The following RNFT2 variants were observed in gnomAD, a reference collection of about 807,000 sequenced individuals.
The protein encoded by RNFT2 is E3 ubiquitin-protein ligase RNFT2.
RNFT2 carries 36 observed loss-of-function variants against 53.0 expected under a neutral mutation model. The observed-to-expected ratio is 0.68, with a 90% confidence interval of 0.52 to 0.90. The LOEUF (loss-of-function observed/expected upper bound fraction) is 0.90. Among genes scored for constraint, RNFT2 ranks in the 40% least tolerant of loss-of-function variants. The pLI, the probability that RNFT2 is intolerant of heterozygous loss-of-function variation, is 0.00. For synonymous variants in RNFT2, 260 were observed against 253.2 expected (o/e 1.03, Z -0.26); for missense variants, 514 against 585.6 (o/e 0.88, Z 1.26).
At chr12:116,841,325 C>T (rs1001564619) in intron 10 of RNFT2, among the ~76,000 whole-genome samples, 7 of 152,176 alleles carry the variant, frequency 4.6e-5, no homozygotes, top group Middle Eastern at 6.8e-3. Flanking sequence ...TGGTGGTGCA[C>T]GCCTGTGGTC....
chr12:116,760,145 C>G (rs930041587), intron 5 of RNFT2, among the ~76,000 whole-genome samples: 1 of 152,158 alleles, frequency 6.6e-6, no homozygotes, highest in African/African-American at 2.4e-5. Flanking sequence ...CTGGCAGTCA[C>G]AGGCCTCACC....
At chr12:116,765,637 A>G (rs1222138468) in intron 5 of RNFT2, among the ~76,000 whole-genome samples, 1 of 152,144 alleles carries the variant, frequency 6.6e-6, no homozygotes, top group African/African-American at 2.4e-5. Context: ...CATCTCCTTC[A>G]GACATTTCCT....
At chr12:116,785,833 G>A (rs565912190) in intron 7 of RNFT2, among the ~76,000 whole-genome samples, 4 of 152,186 alleles carry the variant, frequency 2.6e-5, no homozygotes, top group Admixed American at 6.5e-5. Context: ...TGGATCGCTC[G>A]AGTTCATGAG....
intron 10 of RNFT2, 55 bp downstream of exon 10, chr12:116,836,337 C>T: frequency 7.1e-7 from 1 of 1,415,518 alleles, no homozygotes; most frequent in Non-Finnish European, 9.7e-7. Flanking sequence ...AGAGTAGGAC[C>T]CTTCCCCATG....
At chr12:116,839,932 G>A (rs1330711860) in intron 10 of RNFT2, among the ~76,000 whole-genome samples, 1 of 152,186 alleles carries the variant, frequency 6.6e-6, no homozygotes, top group Non-Finnish European at 1.5e-5. Flanking sequence ...CAGACACTGA[G>A]CATGTCCTGA....
chr12:116,841,868 T>TATAAATATATATAA (rs1877318516), intron 10 of RNFT2, among the ~76,000 whole-genome samples: 2 of 25,764 alleles, frequency 7.8e-5, no homozygotes, highest in Non-Finnish European at 1.7e-4. Context: ...AATATATATA[T>TATAAATATATATAA]AAATATATAT....
intron 5 of RNFT2, among the ~76,000 whole-genome samples, chr12:116,764,660 G>A (rs919411026): frequency 6.6e-6 from 1 of 152,236 alleles, no homozygotes; most frequent in African/African-American, 2.4e-5. Flanking sequence ...GGGAGGCTGA[G>A]ACAGGTAGAT....
chr12:116,817,079 C>T (rs760331993), intron 7 of RNFT2, among the ~76,000 whole-genome samples: 4 of 152,166 alleles, frequency 2.6e-5, no homozygotes, highest in Non-Finnish European at 5.9e-5. Flanking sequence ...GTGGTGCGAT[C>T]GCAGCTCACC....
At chr12:116,744,751 G>GAGAGGCCCAGGGA (rs1871817611) in intron 3 of RNFT2, among the ~76,000 whole-genome samples, 1 of 152,214 alleles carries the variant, frequency 6.6e-6, no homozygotes, top group Non-Finnish European at 1.5e-5. Flanking sequence ...GGATGCAGGG[G>GAGAGGCCCAGGGA]AGAGGCCCAG....
chr12:116,758,802 C>T (rs1256651632), intron 5 of RNFT2, among the ~76,000 whole-genome samples: 2 of 152,156 alleles, frequency 1.3e-5, no homozygotes, highest in Non-Finnish European at 2.9e-5. Flanking sequence ...TTGTTTCCTT[C>T]GTTTTAACTT....
intron 7 of RNFT2, among the ~76,000 whole-genome samples, chr12:116,783,947 G>A (rs74331018): frequency 0.015 from 2,351 of 152,288 alleles, 72 homozygotes; most frequent in African/African-American, 0.053. Context: ...CAAACTCATT[G>A]AGTCATGACC....
intron 10 of RNFT2, among the ~76,000 whole-genome samples, chr12:116,840,375 C>G (rs1443177881): frequency 6.6e-6 from 1 of 152,182 alleles, no homozygotes; most frequent in Non-Finnish European, 1.5e-5. Flanking sequence ...TCCTCAGTCA[C>G]AGAACCAGGA....
chr12:116,851,090 G>C lies in RNFT2; in HGVS notation c.*1642G>C, dbSNP rs1479763908. 6.6e-6 allele frequency: 1 copy of C among 152,116 alleles called. No homozygotes were observed. The highest frequency in any genetic ancestry group is 2.4e-5 in the African/African-American group (1 of 41,368). 9.4% of individuals were successfully genotyped at this position (152,116 alleles called of 1,614,324 possible). On this transcript the variant is annotated 3_prime_UTR_variant, in exon 11 of 11. Coordinates refer to ENST00000257575, the MANE Select transcript of RNFT2 (RefSeq NM_001382266.1). ...GCCCTGTGATGGGGGAGGTACTGTTGGGTCCCCTGTTTTATAGATGAGGAA... is the reference window on the plus strand; with the variant it reads ...GCCCTGTGATGGGGGAGGTACTGTTCGGTCCCCTGTTTTATAGATGAGGAA...
intron 7 of RNFT2, among the ~76,000 whole-genome samples, chr12:116,831,301 T>C (rs901665360): frequency 2.0e-5 from 3 of 152,298 alleles, no homozygotes; most frequent in African/African-American, 7.2e-5. Flanking sequence ...TTGGTGAGAA[T>C]ACCACAGAAG....
At chr12:116,824,374 T>G (rs1876213187) in intron 7 of RNFT2, among the ~76,000 whole-genome samples, 1 of 152,144 alleles carries the variant, frequency 6.6e-6, no homozygotes, top group African/African-American at 2.4e-5. Context: ...TTTCTATTAG[T>G]TAGGATTGGA....
intron 6 of RNFT2, among the ~76,000 whole-genome samples, 193 bp downstream of exon 6, chr12:116,767,107 G>C: frequency 6.6e-6 from 1 of 152,190 alleles, no homozygotes; most frequent in Non-Finnish European, 1.5e-5. Flanking sequence ...AGCCACATAG[G>C]TAAATTAACA....
intron 7 of RNFT2, among the ~76,000 whole-genome samples, chr12:116,788,492 T>G (rs562420925): frequency 6.6e-6 from 1 of 152,264 alleles, no homozygotes; most frequent in South Asian, 2.1e-4. Context: ...AAACCTACCC[T>G]GCCTCTTCAG....
intron 7 of RNFT2, among the ~76,000 whole-genome samples, chr12:116,781,862 A>C (rs1436741542): frequency 6.6e-6 from 1 of 151,968 alleles, no homozygotes. Context: ...GGACTGCCTG[A>C]GCTCAGCAGT....
At chr12:116,750,871 AAT>A (rs1566069468) in intron 4 of RNFT2, among the ~76,000 whole-genome samples, 3 of 3,346 alleles carry the variant, frequency 9.0e-4, no homozygotes, top group African/African-American at 2.9e-3. Flanking sequence ...ATATATATAT[AAT>A]ATATATATTA....
Sources: gnomAD v4.1 joint callset for allele counts (sites outside exome capture counted in the v4.1 genomes callset) on GRCh38, gnomAD v4.1.1 for gene constraint, MANE v1.5 for transcripts, NCBI Gene and HGNC (gene_info 2026-07-23, HGNC 2026-07-21) for gene names.